The following ZBTB5 variants were observed in gnomAD, a reference collection of about 807,000 sequenced individuals.
ZBTB5 encodes the protein zinc finger and BTB domain-containing protein 5.
A neutral mutation model predicts 37.9 loss-of-function variants in ZBTB5; 15 were observed. The observed-to-expected ratio is 0.40, with a 90% CI of 0.26 to 0.61. ZBTB5 has a LOEUF of 0.61. ZBTB5 is among the 20% of genes least tolerant of loss of function. ZBTB5 has a pLI of 0.47. For synonymous variants in ZBTB5, 315 were observed against 312.4 expected, an observed-to-expected ratio of 1.01 and a Z score of -0.09; for missense variants, 708 against 856.8, an observed-to-expected ratio of 0.83 and a Z score of 2.17.
At chr9:37,452,372 T>G (rs1367385396) in intron 1 of ZBTB5, among the ~76,000 whole-genome samples, 1 of 152,204 alleles carries the variant, frequency 6.6e-6, no homozygotes, top group African/African-American at 2.4e-5. Context: ...AATACTAGCA[T>G]CATTTTTGAT....
chr9:37,450,168 G>A (rs914263815), intron 1 of ZBTB5, among the ~76,000 whole-genome samples: 5 of 152,204 alleles, frequency 3.3e-5, no homozygotes, highest in Admixed American at 3.3e-4. Context: ...TGTCTCACTA[G>A]AGAGAGAGCT....
intron 1 of ZBTB5, among the ~76,000 whole-genome samples, chr9:37,460,656 A>G (rs1247724852): frequency 6.6e-6 from 1 of 152,112 alleles, no homozygotes; most frequent in Non-Finnish European, 1.5e-5. Flanking sequence ...GCTTGAGTCC[A>G]GGAGTCTAAG....
intron 1 of ZBTB5, among the ~76,000 whole-genome samples, chr9:37,450,982 A>C (rs1367864867): frequency 6.6e-6 from 1 of 152,048 alleles, no homozygotes; most frequent in African/African-American, 2.4e-5. Context: ...GGAAAACAGG[A>C]ACCTGGGCAA....
Position 37,441,811 on chromosome 9 carries a change from A to G in ZBTB5, c.741T>C (p.Asp247=), listed in dbSNP as rs309450. ...TATCTTCCTGGTTATCAGTCATTCC[A>G]TCAGCTTTAGGATTATCCACAATTT... The part of the protein sequence containing the change: ...SLKIVDNPKA[D]GMTDNQEDSA... Residue 247 remains aspartate (D), a synonymous_variant, in exon 2 of 2, where the codon GAT becomes GAC. Transcript: ENST00000307750. The G allele has an allele frequency of 1, 1,613,031 of 1,614,096 alleles. 805,991 individuals are homozygous for G. The highest frequency in any genetic ancestry group is 1 in the East Asian group (44,840 of 44,840).
chr9:37,451,561 A>C (rs910610718), intron 1 of ZBTB5, among the ~76,000 whole-genome samples: 1 of 151,082 alleles, frequency 6.6e-6, no homozygotes, highest in African/African-American at 2.4e-5. Context: ...ATCTCAAAAA[A>C]AAAAAAAAAA....
At chr9:37,460,804 G>A (rs1212423364) in intron 1 of ZBTB5, among the ~76,000 whole-genome samples, 1 of 152,074 alleles carries the variant, frequency 6.6e-6, no homozygotes, top group Non-Finnish European at 1.5e-5. Flanking sequence ...GGAGTTTGGG[G>A]CTGCAGTGAG....
chr9:37,444,479 C>A (rs770569094), intron 1 of ZBTB5, among the ~76,000 whole-genome samples: 23 of 152,292 alleles, frequency 1.5e-4, no homozygotes, highest in South Asian at 6.2e-4. Context: ...GGATTACAGG[C>A]ATGAGCCACT....
chr9:37,449,673 T>G (rs1006109622), intron 1 of ZBTB5, among the ~76,000 whole-genome samples: 3 of 137,382 alleles, frequency 2.2e-5, no homozygotes, highest in Non-Finnish European at 4.5e-5. Context: ...CACTCTAGTC[T>G]GCGCGATAGT....
chr9:37,447,472 CTTTTT>C (rs35406738), intron 1 of ZBTB5, among the ~76,000 whole-genome samples: 2 of 151,114 alleles, frequency 1.3e-5, no homozygotes, highest in Admixed American at 6.6e-5. Context: ...TTTTACTGTG[CTTTTT>C]TTTTGAGACA....
Position 37,441,107 on chromosome 9 carries a change from A to C in ZBTB5, c.1445T>G (p.Met482Arg). ...EPADSHFVRP[M>R]QEVMGLPCVQ... is the part of the protein sequence containing the mutation. ...ACACGGCAGGCCCATCACCTCCTGC[A>C]TAGGCCTGACGAAGTGGGAGTCTGC... The change falls in exon 2 of 2, where the codon ATG becomes AGG. Residue 482 changes from methionine (M) to arginine (R), a missense_variant. By Grantham distance (91) the Met-to-Arg change is moderately conservative. Around this residue, in one of 3 missense-constraint regions of ZBTB5, gnomAD observed 639 missense variants for 690.5 expected, o/e 0.93. Transcript: ENST00000307750. 1 of 1,614,106 alleles carries C rather than the reference A, an allele frequency of 6.2e-7. No individual in the cohort carries two copies. The highest frequency in any genetic ancestry group is 8.5e-7 in the Non-Finnish European group (1 of 1,180,008).
In ZBTB5 at chr9:37,441,222, C is replaced by A. The variant is rs745964734; in HGVS notation, c.1330G>T (p.Ala444Ser). 1.2e-6 allele frequency: 2 copies of A among 1,614,114 alleles called. No homozygotes were observed. The change falls in exon 2 of 2, where the codon GCC becomes TCC. Residue 444 changes from alanine to serine, a missense_variant. Ala to Ser is a moderately conservative substitution (Grantham distance 99). Around this residue, in one of 3 missense-constraint regions of ZBTB5, gnomAD observed 639 missense variants for 690.5 expected, o/e 0.93. Transcript: ENST00000307750. ...GCCTCTGGACTCAACAAATAGGGGG[C>A]CTCACTCTCCAGCCTGCAGTCACTA... is the stretch of plus-strand genomic sequence containing the variant. ...TTSDCRLESE[A>S]PYLLSPEAGP...
rs1001787015 is a variant in ZBTB5 at position 37,439,996 on chromosome 9, G to GTACTT, written c.*517_*521dup. The GTACTT allele has an allele frequency of 4.4e-5, 7 of 158,466 alleles. No homozygotes were observed. Among genetic ancestry groups the GTACTT allele is most frequent in the African/African-American group, 1.2e-4 (5 of 41,584 alleles). 9.8% of individuals were successfully genotyped at this position (158,466 alleles called of 1,614,324 possible). On this transcript the variant is annotated 3_prime_UTR_variant, in exon 2 of 2. Transcript: ENST00000307750. ...AAATCAGGTAAAAATAAAAAATACA[G>GTACTT]TACTTTGAGGCCTAGGACTAGCTCA...
rs139375543 is a variant in ZBTB5 at position 37,441,825 on chromosome 9, T to C, written c.727A>G (p.Asn243Asp). Reference protein sequence around the residue: ...FSPDSLKIVDNPKADGMTDNQ... With the variant: ...FSPDSLKIVDDPKADGMTDNQ... ...TCAGTCATTCCATCAGCTTTAGGAT[T>C]ATCCACAATTTTCAGAGAATCTGGT... Residue 243 changes from asparagine to aspartate, a missense_variant, in exon 2 of 2, where the codon AAT (asparagine) becomes GAT (aspartate). Coordinates refer to ENST00000307750, the MANE Select transcript of ZBTB5 (RefSeq NM_014872.3). 167 of 1,614,104 alleles carry C rather than the reference T, an allele frequency of 1.0e-4. 1 individual carries two copies. The African/African-American group carries it at 1.8e-3, about 17-fold the overall frequency.
intron 1 of ZBTB5, among the ~76,000 whole-genome samples, chr9:37,451,964 A>G (rs1316893130): frequency 1.3e-5 from 2 of 152,222 alleles, no homozygotes; most frequent in Admixed American, 6.5e-5. Flanking sequence ...TACCTTCAAG[A>G]GTAATTGGGG....
chr9:37,452,704 T>C (rs1327679193), intron 1 of ZBTB5, among the ~76,000 whole-genome samples: 1 of 152,168 alleles, frequency 6.6e-6, no homozygotes, highest in Non-Finnish European at 1.5e-5. Context: ...CTCTGGAGTA[T>C]AAACAATGCC....
chr9:37,438,383 T>C lies in ZBTB5; in HGVS notation c.*2135A>G, dbSNP rs142716776. 1 of 152,608 alleles carries C rather than the reference T, an allele frequency of 6.6e-6. No individual in the cohort carries two copies. The highest frequency in any genetic ancestry group is 1.5e-5 in the Non-Finnish European group (1 of 68,042). 9.5% of individuals were successfully genotyped at this position (152,608 alleles called of 1,614,324 possible). On this transcript the variant is annotated 3_prime_UTR_variant, in exon 2 of 2. Coordinates refer to ENST00000307750, the MANE Select transcript of ZBTB5 (RefSeq NM_014872.3). ...GAATTATTTTTTAAGTGCTACAGCA[T>C]GTACAAGGACACTGGCCCACAAGCT...
At chr9:37,463,386 A>AG (rs1282226644) in intron 1 of ZBTB5, among the ~76,000 whole-genome samples, 2 of 152,166 alleles carry the variant, frequency 1.3e-5, no homozygotes, top group Non-Finnish European at 2.9e-5. Flanking sequence ...AAACTGACAG[A>AG]GGGGGAAAGT....
chr9:37,457,891 G>A (rs1194844815), intron 1 of ZBTB5, among the ~76,000 whole-genome samples: 3 of 152,200 alleles, frequency 2.0e-5, no homozygotes, highest in Non-Finnish European at 4.4e-5. Context: ...GATAGTGACT[G>A]CTCATAACTG....
At chr9:37,462,640 T>C (rs751428925) in intron 1 of ZBTB5, among the ~76,000 whole-genome samples, 6 of 150,640 alleles carry the variant, frequency 4.0e-5, no homozygotes, top group Non-Finnish European at 7.4e-5. Flanking sequence ...CTCAGCTCAA[T>C]GCAACTTCTG....
Sources: gnomAD v4.1 joint callset for allele counts (sites outside exome capture counted in the v4.1 genomes callset) on GRCh38, gnomAD v4.1.1 for gene constraint, gnomAD v4.1.1 regional missense constraint, MANE v1.5 for transcripts, NCBI Gene and HGNC (gene_info 2026-07-23, HGNC 2026-07-21) for gene names.